Variants in CCM2 observed in about 807,000 individuals in gnomAD.
The protein encoded by CCM2 is CCM2 scaffold protein.
CCM2 carries 25 observed loss-of-function variants against 44.9 expected under a neutral mutation model. The ratio of observed to expected loss-of-function variants is 0.56; its 90% CI spans 0.41 to 0.78. CCM2 has a LOEUF of 0.78. Ranked by LOEUF, CCM2 falls within the 30% of genes least tolerant of loss-of-function variation. CCM2 has a pLI of 0.00. For synonymous variants in CCM2, 219 were observed against 241.1 expected (o/e 0.91, Z 0.85); for missense variants, 481 against 580.6 (o/e 0.83, Z 1.76).
rs141381949 is a variant in CCM2, at chr7:45,061,982, C to A, written c.205-1936C>A. Reference sequence around the variant, plus strand: ...CTCAGTCTCTGCCATTTGTCAGTTCCCCTTTCCTCTCTGCTGGTGCTGGCT... The same window carrying A: ...CTCAGTCTCTGCCATTTGTCAGTTCACCTTTCCTCTCTGCTGGTGCTGGCT... On this transcript the variant is annotated intron_variant, in intron 2 of 9. Transcript: ENST00000258781. Among the ~76,000 whole-genome samples, 371 of 152,306 alleles carry A rather than the reference C, an allele frequency of 2.4e-3. 2 individuals carry two copies. Among genetic ancestry groups the A allele is most frequent in the African/African-American group, 8.2e-3 (340 of 41,572 alleles).
chr7:45,058,504 G>A (rs1183079856), intron 2 of CCM2, among the ~76,000 whole-genome samples: 5 of 129,798 alleles, frequency 3.9e-5, no homozygotes, highest in African/African-American at 1.2e-4. Flanking sequence ...GGTGTGTGAT[G>A]TTCCCTTTCC....
intron 2 of CCM2, among the ~76,000 whole-genome samples, chr7:45,044,916 AAACTC>A (rs1205228998): frequency 3.9e-5 from 6 of 152,232 alleles, no homozygotes; most frequent in Non-Finnish European, 5.9e-5. Context: ...TTTCATAACT[AAACTC>A]TAACCGATCC....
At chr7:45,000,780 A>G (rs1365050142) in intron 1 of CCM2, among the ~76,000 whole-genome samples, 3 of 152,222 alleles carry the variant, frequency 2.0e-5, no homozygotes, top group Non-Finnish European at 4.4e-5. Flanking sequence ...GGTGGCCTTC[A>G]CCTTATGGCC....
At chr7:45,025,639 T>C (rs527600125) in intron 1 of CCM2, among the ~76,000 whole-genome samples, 1 of 152,200 alleles carries the variant, frequency 6.6e-6, no homozygotes, top group South Asian at 2.1e-4. Flanking sequence ...GTTCAAGTGA[T>C]TCTCGTGCTT....
intron 2 of CCM2, among the ~76,000 whole-genome samples, chr7:45,057,595 A>G (rs1798325516): frequency 6.6e-6 from 1 of 152,198 alleles, no homozygotes; most frequent in East Asian, 1.9e-4. Context: ...AAATGTAAGC[A>G]GTATCTACAT....
intron 2 of CCM2, among the ~76,000 whole-genome samples, chr7:45,046,387 TG>T (rs1797756918): frequency 6.6e-6 from 1 of 152,242 alleles, no homozygotes; most frequent in Non-Finnish European, 1.5e-5. Context: ...CTGTGGTATC[TG>T]CAGAGGGACT....
At chr7:45,054,552 T>C (rs75702155) in intron 2 of CCM2, among the ~76,000 whole-genome samples, 1 of 152,014 alleles carries the variant, frequency 6.6e-6, no homozygotes, top group African/African-American at 2.4e-5. Flanking sequence ...TAGAGCCAAC[T>C]CCCCTACCCC....
intron 1 of CCM2, chr7:45,027,886 C>T: frequency 7.2e-7 from 1 of 1,386,092 alleles, no homozygotes; most frequent in Non-Finnish European, 1.0e-6. Flanking sequence ...CTTCCCAGGG[C>T]TTGCCCATTG....
At chr7:45,070,607 T>C (rs1056645913) in intron 6 of CCM2, 1 of 356,378 alleles carries the variant, frequency 2.8e-6, no homozygotes, top group Non-Finnish European at 5.8e-6. Context: ...GTTTTTCAGA[T>C]GTATTACTTA....
rs1798635734 is a variant in CCM2, at chr7:45,063,806, TG to T, written c.205-109del. On this transcript the variant is annotated intron_variant, in intron 2 of 9. Transcript: ENST00000258781. Reference sequence around the variant, plus strand: ...CCACGCGAGCCGGAATGGAGACCCATGGGCCTGGTGGCCTGAGTATGAAGCA... The same window carrying T: ...CCACGCGAGCCGGAATGGAGACCCATGGCCTGGTGGCCTGAGTATGAAGCA... 4.6e-5 allele frequency: 36 copies of T among 781,172 alleles called. No individual in the cohort carries two copies. The Middle Eastern group carries it at 5.9e-3, about 128-fold the overall frequency. The allele number at this position is 781,172 out of a possible 1,614,324, so 48.4% of individuals were successfully genotyped here.
Position 45,062,632 on chromosome 7 carries a change from C to T in CCM2, c.205-1286C>T, listed in dbSNP as rs561979974. Among the ~76,000 whole-genome samples, 8 of 152,198 alleles carry T rather than the reference C, an allele frequency of 5.3e-5. No homozygotes were observed. In the South Asian group the frequency reaches 1.5e-3, roughly 28 times the overall value. ...AGCAGATTGCTTAAGTCCAAGAGTT[C>T]GAGACCAGCCTGGGCTACATGGCAA... is the stretch of plus-strand genomic sequence containing the variant. On this transcript the variant is annotated intron_variant, in intron 2 of 9. Coordinates refer to ENST00000258781, the MANE Select transcript of CCM2 (RefSeq NM_031443.4).
chr7:45,030,494 G>A (rs1474845900), intron 1 of CCM2, among the ~76,000 whole-genome samples: 3 of 152,236 alleles, frequency 2.0e-5, no homozygotes, highest in Admixed American at 2.0e-4. Context: ...TGGGTGCAGT[G>A]GTGTGATCAC....
At chr7:45,001,977 G>C (rs1328535369) in intron 1 of CCM2, among the ~76,000 whole-genome samples, 1 of 152,118 alleles carries the variant, frequency 6.6e-6, no homozygotes, top group African/African-American at 2.4e-5. Flanking sequence ...GTCTTAGCTT[G>C]TTTCCTGTAG....
chr7:45,048,095 A>T (rs1043568767), intron 2 of CCM2, among the ~76,000 whole-genome samples: 29 of 152,370 alleles, frequency 1.9e-4, no homozygotes, highest in African/African-American at 7.0e-4. Context: ...AGCAATAGGA[A>T]TATAAGCCCA....
chr7:45,051,209 C>T (rs1285547464), intron 2 of CCM2, among the ~76,000 whole-genome samples: 1 of 152,084 alleles, frequency 6.6e-6, no homozygotes. Context: ...GAACTACAGC[C>T]CTGACTACTT....
chr7:45,041,987 G>GT (rs1797526521), intron 2 of CCM2, among the ~76,000 whole-genome samples: 1 of 152,178 alleles, frequency 6.6e-6, no homozygotes, highest in Admixed American at 6.5e-5. Context: ...GGTGGTAAAG[G>GT]TGGTGTTGTC....
At chr7:45,009,835 A>T (rs1055594426) in intron 1 of CCM2, among the ~76,000 whole-genome samples, 2 of 152,156 alleles carry the variant, frequency 1.3e-5, no homozygotes, top group African/African-American at 4.8e-5. Flanking sequence ...ATACATTAGC[A>T]TGCATGTCAT....
chr7:45,023,032 C>A (rs915343589), intron 1 of CCM2, among the ~76,000 whole-genome samples: 1 of 152,132 alleles, frequency 6.6e-6, no homozygotes, highest in African/African-American at 2.4e-5. Flanking sequence ...TGAGCCACCT[C>A]ACCCTGCAAG....
chr7:45,012,256 T>C (rs750584054), intron 1 of CCM2, among the ~76,000 whole-genome samples: 5 of 151,396 alleles, frequency 3.3e-5, no homozygotes, highest in Admixed American at 1.3e-4. Context: ...GTCTCAGCCT[T>C]CTGAGTAGCT....
Sources: allele counts gnomAD v4.1 joint callset (sites outside exome capture counted in the v4.1 genomes callset), GRCh38; gene constraint gnomAD v4.1.1; transcripts MANE v1.5; gene names NCBI Gene and HGNC (gene_info 2026-07-23, HGNC 2026-07-21).